REDIC1: variants seen among roughly 807,000 people sequenced by gnomAD.
REDIC1 encodes the protein regulator of DNA class I crossover intermediates 1, also known as HEI10 Interacting Protein 1.
the REDIC1 span, among the ~76,000 whole-genome samples, chr12:39,761,688 G>A: frequency 2.6e-5 from 4 of 151,936 alleles, no homozygotes; most frequent in African/African-American, 4.8e-5. Context: ...ATGCAAGACT[G>A]TGGAGGTAGG....
At chr12:39,629,140 A>C in the REDIC1 span, among the ~76,000 whole-genome samples, 699 of 152,358 alleles carry the variant, frequency 4.6e-3, 5 homozygotes, top group Admixed American at 9.2e-3. Flanking sequence ...ACAATCGAAC[A>C]CTGGTTCTTA....
the REDIC1 span, among the ~76,000 whole-genome samples, chr12:39,733,069 GCACACA>G: frequency 4.4e-3 from 646 of 148,452 alleles, 4 homozygotes; most frequent in Admixed American, 7.1e-3. Context: ...GCAGAAAAAT[GCACACA>G]CACACACACA....
At chr12:39,684,985 A>T in the REDIC1 span, 1 of 1,195,632 alleles carries the variant, frequency 8.4e-7, no homozygotes, top group South Asian at 1.3e-5. Flanking sequence ...ACCATATCAC[A>T]TTACTGTATT....
At chr12:39,888,370 G>T in the REDIC1 span, among the ~76,000 whole-genome samples, 1 of 152,164 alleles carries the variant, frequency 6.6e-6, no homozygotes, top group East Asian at 1.9e-4. Context: ...GACTACAGGT[G>T]CATGGCACCA....
the REDIC1 span, among the ~76,000 whole-genome samples, chr12:39,653,572 T>TCTTCTTCTTCTTCTTC: frequency 6.9e-5 from 5 of 72,884 alleles, no homozygotes; most frequent in Admixed American, 1.6e-4. Context: ...TTCTTCTTCT[T>TCTTCTTCTTCTTCTTC]TTTCTTCCTC....
the REDIC1 span, among the ~76,000 whole-genome samples, chr12:39,899,776 T>C: frequency 1.3e-5 from 2 of 152,180 alleles, no homozygotes; most frequent in Non-Finnish European, 2.9e-5. Flanking sequence ...TCAGTTTCCA[T>C]GTAGTTGAGC....
chr12:39,738,833 A>C, the REDIC1 span, among the ~76,000 whole-genome samples: 1 of 151,520 alleles, frequency 6.6e-6, no homozygotes, highest in Non-Finnish European at 1.5e-5. Context: ...GGAGCATCCA[A>C]AATTTGTTTA....
chr12:39,731,442 C>T, the REDIC1 span, among the ~76,000 whole-genome samples: 2,611 of 152,234 alleles, frequency 0.017, 41 homozygotes, highest in Non-Finnish European at 0.027. Flanking sequence ...GCTGGAGGTC[C>T]ACTCCAGGCC....
chr12:39,898,735 G>A, the REDIC1 span, among the ~76,000 whole-genome samples: 22 of 152,224 alleles, frequency 1.4e-4, no homozygotes, highest in Middle Eastern at 3.4e-3. Flanking sequence ...ATGTGTTCAT[G>A]GAATGGAACC....
chr12:39,749,872 G>T, the REDIC1 span, among the ~76,000 whole-genome samples: 4 of 152,178 alleles, frequency 2.6e-5, no homozygotes, highest in Non-Finnish European at 5.9e-5. Context: ...CAACAATCCT[G>T]CATGCTAAAA....
the REDIC1 span, among the ~76,000 whole-genome samples, chr12:39,785,549 G>A: frequency 6.6e-6 from 1 of 152,234 alleles, no homozygotes; most frequent in Admixed American, 6.5e-5. Context: ...AGCCCCCACA[G>A]AGAGTCCCTA....
the REDIC1 span, among the ~76,000 whole-genome samples, chr12:39,873,172 T>G: frequency 1.3e-5 from 2 of 152,284 alleles, no homozygotes; most frequent in African/African-American, 4.8e-5. Flanking sequence ...AAACCAAACC[T>G]ATAAATTAAC....
the REDIC1 span, among the ~76,000 whole-genome samples, chr12:39,716,355 AC>A: frequency 1.3e-5 from 2 of 151,986 alleles, no homozygotes; most frequent in African/African-American, 2.4e-5. Flanking sequence ...TGCACAGTAA[AC>A]TTTCATTTAC....
the REDIC1 span, among the ~76,000 whole-genome samples, chr12:39,893,488 C>T: frequency 1.4e-4 from 22 of 152,094 alleles, no homozygotes; most frequent in Admixed American, 3.3e-4. Context: ...TTAGTAGAGA[C>T]GAGGTTTCAC....
the REDIC1 span, among the ~76,000 whole-genome samples, chr12:39,640,289 C>T: frequency 1.3e-5 from 2 of 151,842 alleles, no homozygotes; most frequent in Non-Finnish European, 2.9e-5. Context: ...AAAAAAATGT[C>T]ATCTGTAAAC....
chr12:39,736,546 C>T, the REDIC1 span, among the ~76,000 whole-genome samples: 1 of 152,210 alleles, frequency 6.6e-6, no homozygotes, highest in Non-Finnish European at 1.5e-5. Flanking sequence ...TTTGGCACTC[C>T]TTCCACAGAA....
chr12:39,662,803 T>C, the REDIC1 span, among the ~76,000 whole-genome samples: 1 of 152,082 alleles, frequency 6.6e-6, no homozygotes, highest in Non-Finnish European at 1.5e-5. Context: ...ATGTTCCTTC[T>C]GTGCTTAGTT....
At chr12:39,712,457 TA>T in the REDIC1 span, among the ~76,000 whole-genome samples, 1 of 7,352 alleles carries the variant, frequency 1.4e-4, no homozygotes, top group Admixed American at 1.8e-3. Context: ...TACATACGTA[TA>T]TATACGTATG....
chr12:39,642,080 T>A, the REDIC1 span, among the ~76,000 whole-genome samples: 26 of 151,946 alleles, frequency 1.7e-4, no homozygotes, highest in African/African-American at 6.3e-4. Flanking sequence ...AGTTAAAATT[T>A]GATTACTTAG....
Sources: gnomAD v4.1 joint callset for allele counts (sites outside exome capture counted in the v4.1 genomes callset) on GRCh38, gnomAD v4.1.1 for gene constraint, MANE v1.5 for transcripts, NCBI Gene and HGNC (gene_info 2026-07-23, HGNC 2026-07-21) for gene names.